The following CFAP47 variants were observed in gnomAD, a reference collection of about 807,000 sequenced individuals.
CFAP47 encodes cilia- and flagella-associated protein 47.
CFAP47 carries 29 observed loss-of-function variants against 148.1 expected under a neutral mutation model. That is an observed-to-expected ratio of 0.20 (90% CI 0.15 to 0.27). The LOEUF is 0.27. CFAP47 is among the 10% of genes least tolerant of loss of function. The probability of loss-of-function intolerance (pLI) is 1.00; values close to 1 mark genes in which losing one functional copy is unlikely to be tolerated. For synonymous variants in CFAP47, 664 were observed against 577.3 expected (o/e 1.15, Z -2.15); for missense variants, 1,872 against 1,697.5 (o/e 1.10, Z -1.81).
At chrX:36,288,735 A>G (rs1285175105) in intron 51 of CFAP47, among the ~76,000 whole-genome samples, 1 of 111,528 alleles carries the variant, frequency 9.0e-6, no homozygotes, top group Non-Finnish European at 1.9e-5. Context: ...GCATCCATAC[A>G]AAACAACACA....
In CFAP47 at chrX:35,948,597, A is replaced by T. The variant is rs1409255879; in HGVS notation, c.656+145A>T. ...ATTGAGTCTCTACTATTTGCCAAGCAGTAGGTTTTTAAGAAATGGGAAGAA... is the reference window on the plus strand; with the variant it reads ...ATTGAGTCTCTACTATTTGCCAAGCTGTAGGTTTTTAAGAAATGGGAAGAA... On this transcript the variant is annotated intron_variant, in intron 4 of 63. Transcript: ENST00000378653. The T allele has an allele frequency of 1.7e-5, 8 of 462,550 alleles. No individual in the cohort carries two copies. In the Admixed American group the frequency reaches 3.3e-4, roughly 19 times the overall value. 38.1% of individuals were successfully genotyped at this position (462,550 alleles called of 1,213,427 possible).
At chrX:36,163,399 GCTAA>G (rs1239156323) in intron 39 of CFAP47, among the ~76,000 whole-genome samples, 2 of 110,352 alleles carry the variant, frequency 1.8e-5, no homozygotes, top group Non-Finnish European at 3.8e-5. Flanking sequence ...TTATTTCTGT[GCTAA>G]CTTTTTTGGA....
At chrX:36,208,214 G>A (rs1364707016) in intron 45 of CFAP47, among the ~76,000 whole-genome samples, 3 of 111,778 alleles carry the variant, frequency 2.7e-5, no homozygotes, top group African/African-American at 9.8e-5. Context: ...CTAATAATTA[G>A]CAGTTAAATT....
chrX:35,989,882 A>G (rs1332109455), intron 16 of CFAP47: 1 of 130,757 alleles, frequency 7.6e-6, no homozygotes, highest in Admixed American at 8.3e-5. Context: ...TTTCTAGGAC[A>G]TGATGATACT....
chrX:36,159,765 T>C lies in CFAP47; in HGVS notation c.5937+189T>C, dbSNP rs182027237. Among the ~76,000 whole-genome samples, 6 of 111,856 alleles carry C rather than the reference T, an allele frequency of 5.4e-5. No individual in the cohort carries two copies. In the East Asian group the frequency reaches 1.7e-3, roughly 32 times the overall value. On this transcript the variant is annotated intron_variant, in intron 38 of 63. Coordinates refer to ENST00000378653, the MANE Select transcript of CFAP47 (RefSeq NM_001304548.2). ...GTGTTTTTGCTGGACTAAGGGTTGA[T>C]AGTTTATGCAGTAAAAAAGGACTTT...
At chrX:36,241,911 C>G (rs1365619846) in intron 48 of CFAP47, among the ~76,000 whole-genome samples, 1 of 111,651 alleles carries the variant, frequency 9.0e-6, no homozygotes, top group East Asian at 2.8e-4. Flanking sequence ...CTCTAAGGCC[C>G]AGAAATCGAC....
intron 22 of CFAP47, among the ~76,000 whole-genome samples, chrX:36,029,461 AG>A (rs756650755): frequency 9.1e-6 from 1 of 110,261 alleles, no homozygotes; most frequent in East Asian, 2.8e-4. Context: ...TAGTTCCTTA[AG>A]GTGTAAAATT....
At chrX:36,221,649 A>G (rs1940214380) in intron 45 of CFAP47, among the ~76,000 whole-genome samples, 2 of 111,306 alleles carry the variant, frequency 1.8e-5, no homozygotes, top group Non-Finnish European at 1.9e-5. Flanking sequence ...ATATCAAAAA[A>G]CCTATACCAG....
chrX:36,049,984 C>G (rs897045426), intron 26 of CFAP47, among the ~76,000 whole-genome samples: 2 of 111,948 alleles, frequency 1.8e-5, no homozygotes, highest in African/African-American at 6.5e-5. Context: ...CCTGCACGCT[C>G]TCTCTTGCCT....
At chrX:36,374,680 T>G in intron 62 of CFAP47, 2 of 350,835 alleles carry the variant, frequency 5.7e-6, no homozygotes, top group East Asian at 9.7e-5. Flanking sequence ...TTCCTCTTAA[T>G]ACTACTTTTG....
intron 49 of CFAP47, among the ~76,000 whole-genome samples, chrX:36,258,334 T>C (rs1456333014): frequency 1.8e-5 from 2 of 112,324 alleles, no homozygotes; most frequent in Non-Finnish European, 3.8e-5. Flanking sequence ...AGTAGGCTTA[T>C]TTTGTCTTTA....
At chrX:36,238,139 A>G (rs1406324405) in intron 48 of CFAP47, among the ~76,000 whole-genome samples, 2 of 111,076 alleles carry the variant, frequency 1.8e-5, no homozygotes, top group Non-Finnish European at 3.8e-5. Context: ...CTTGAATTGT[A>G]GCTCCCATAA....
intron 37 of CFAP47, among the ~76,000 whole-genome samples, chrX:36,155,768 C>T (rs1939359578): frequency 9.0e-6 from 1 of 111,059 alleles, no homozygotes; most frequent in African/African-American, 3.3e-5. Context: ...GTAGGCAAAA[C>T]ACCTTGTACC....
chrX:36,144,569 G>A (rs755494454), intron 35 of CFAP47: 3 of 1,026,866 alleles, frequency 2.9e-6, no homozygotes, highest in Middle Eastern at 2.9e-4. Flanking sequence ...AGGTGTGTCT[G>A]AGGGTGTTTC....
chrX:36,341,599 C>A (rs1228623594), intron 57 of CFAP47, among the ~76,000 whole-genome samples: 1 of 110,967 alleles, frequency 9.0e-6, no homozygotes, highest in Non-Finnish European at 1.9e-5. Context: ...TTCCACATTT[C>A]AAATAGGAGA....
chrX:36,222,718 A>G (rs1348600471), intron 45 of CFAP47, among the ~76,000 whole-genome samples: 1 of 110,550 alleles, frequency 9.0e-6, no homozygotes, highest in African/African-American at 3.3e-5. Context: ...TCATATTTTT[A>G]TTAAAGAGGA....
At chrX:36,158,414 C>T (rs1399337242) in intron 37 of CFAP47, among the ~76,000 whole-genome samples, 3 of 112,066 alleles carry the variant, frequency 2.7e-5, no homozygotes, top group African/African-American at 9.7e-5. Context: ...GAGTGTATAA[C>T]TTATTTAAAC....
intron 62 of CFAP47, among the ~76,000 whole-genome samples, chrX:36,378,635 G>A (rs1002091897): frequency 2.7e-5 from 3 of 111,738 alleles, no homozygotes; most frequent in Non-Finnish European, 5.6e-5. Context: ...TGCCTCCCGG[G>A]TTCAAGCGAT....
chrX:36,141,038 A>G (rs1939129394), intron 35 of CFAP47, among the ~76,000 whole-genome samples: 1 of 104,835 alleles, frequency 9.5e-6, no homozygotes, highest in Non-Finnish European at 1.9e-5. Flanking sequence ...GGGTGAATAG[A>G]TATTCTAATT....
Sources: gnomAD v4.1 joint callset for allele counts (sites outside exome capture counted in the v4.1 genomes callset) on GRCh38, gnomAD v4.1.1 for gene constraint, MANE v1.5 for transcripts, NCBI Gene and HGNC (gene_info 2026-07-23, HGNC 2026-07-21) for gene names.